Variants in SMAD1 observed in about 807,000 individuals in gnomAD.
SMAD1 encodes the protein MAD, mothers against decapentaplegic homolog 1.
SMAD1 carries 6 observed loss-of-function variants against 41.6 expected under a neutral mutation model. The observed-to-expected ratio is 0.14, with a 90% confidence interval of 0.08 to 0.28. The LOEUF (loss-of-function observed/expected upper bound fraction) is 0.28, where lower values mean the gene tolerates loss of function less well. Among genes scored for constraint, SMAD1 ranks in the 10% least tolerant of loss-of-function variants. The pLI, the probability that SMAD1 is intolerant of heterozygous loss-of-function variation, is 1.00. For synonymous variants in SMAD1, 206 were observed against 203.2 expected, an observed-to-expected ratio of 1.01 and a Z score of -0.12; for missense variants, 379 against 582.6, an observed-to-expected ratio of 0.65 and a Z score of 3.60.
chr4:145,485,742 G>A (rs1285207575), intron 1 of SMAD1, among the ~76,000 whole-genome samples: 1 of 152,208 alleles, frequency 6.6e-6, no homozygotes, highest in Non-Finnish European at 1.5e-5. Flanking sequence ...TAGTGTCATC[G>A]ATTCTAATTT....
chr4:145,484,087 G>A (rs1427343623), intron 1 of SMAD1, among the ~76,000 whole-genome samples: 1 of 152,106 alleles, frequency 6.6e-6, no homozygotes, highest in Non-Finnish European at 1.5e-5. Flanking sequence ...TTGTAATTTT[G>A]ATTTCTAGCA....
chr4:145,554,912 T>C (rs1279956636), intron 6 of SMAD1, among the ~76,000 whole-genome samples: 1 of 152,154 alleles, frequency 6.6e-6, no homozygotes, highest in Non-Finnish European at 1.5e-5. Context: ...TCACCAAACT[T>C]GTTGTTAAAC....
At chr4:145,542,158 A>C (rs1265836540) in intron 3 of SMAD1, among the ~76,000 whole-genome samples, 7 of 152,250 alleles carry the variant, frequency 4.6e-5, no homozygotes, top group Admixed American at 6.5e-5. Flanking sequence ...CATAGATTTA[A>C]TGCAAAAGAC....
intron 2 of SMAD1, among the ~76,000 whole-genome samples, chr4:145,517,501 T>C (rs1441909502): frequency 1.3e-5 from 2 of 152,104 alleles, no homozygotes; most frequent in African/African-American, 4.8e-5. Flanking sequence ...CTTATAATGA[T>C]TGTTCTGTTG....
chr4:145,508,108 T>G (rs1469998135), intron 1 of SMAD1, among the ~76,000 whole-genome samples: 2 of 151,282 alleles, frequency 1.3e-5, no homozygotes, highest in Admixed American at 6.6e-5. Flanking sequence ...GCTCCCAGTA[T>G]GAAGAAATCT....
At chr4:145,540,701 T>G (rs999065966) in intron 3 of SMAD1, among the ~76,000 whole-genome samples, 2 of 151,648 alleles carry the variant, frequency 1.3e-5, no homozygotes, top group Non-Finnish European at 2.9e-5. Flanking sequence ...ACATTATATA[T>G]TTTTAAGTTA....
intron 1 of SMAD1, among the ~76,000 whole-genome samples, chr4:145,501,319 C>T (rs1729424852): frequency 6.6e-6 from 1 of 152,198 alleles, no homozygotes. Context: ...CCATGCTCTT[C>T]CCAGAGGAGG....
At chr4:145,516,962 GAC>G (rs1730438524) in intron 2 of SMAD1, 1 of 152,118 alleles carries the variant, frequency 6.6e-6, no homozygotes, top group African/African-American at 2.4e-5. Context: ...CTATTTAAAA[GAC>G]ACTATGAATA....
At chr4:145,515,400 G>C (rs895073179) in intron 2 of SMAD1, among the ~76,000 whole-genome samples, 2 of 152,088 alleles carry the variant, frequency 1.3e-5, no homozygotes, top group African/African-American at 4.8e-5. Context: ...TGTATTCTAA[G>C]GGAAGAAAAT....
intron 2 of SMAD1, among the ~76,000 whole-genome samples, chr4:145,533,303 G>A (rs890140151): frequency 6.6e-6 from 1 of 152,214 alleles, no homozygotes; most frequent in Non-Finnish European, 1.5e-5. Flanking sequence ...GCTTGAAATT[G>A]ACAAGAGTCA....
At chr4:145,496,295 A>G (rs1729070394) in intron 1 of SMAD1, among the ~76,000 whole-genome samples, 1 of 152,204 alleles carries the variant, frequency 6.6e-6, no homozygotes, top group Non-Finnish European at 1.5e-5. Flanking sequence ...ACTGTGGAGA[A>G]GCAGTAGAGA....
chr4:145,515,074 A>C, intron 2 of SMAD1, 61 bp downstream of exon 2: 1 of 1,472,714 alleles, frequency 6.8e-7, no homozygotes, highest in Middle Eastern at 1.8e-4. Context: ...TGTGTTGTTT[A>C]GAACATGAAA....
intron 4 of SMAD1, among the ~76,000 whole-genome samples, chr4:145,542,932 A>G (rs556012469): frequency 7.9e-5 from 12 of 152,282 alleles, no homozygotes; most frequent in African/African-American, 2.9e-4. Flanking sequence ...TTATCTGTTT[A>G]GATCTTTAAT....
At chr4:145,511,690 G>A (rs1279159313) in intron 1 of SMAD1, among the ~76,000 whole-genome samples, 1 of 151,936 alleles carries the variant, frequency 6.6e-6, no homozygotes, top group African/African-American at 2.4e-5. Context: ...CTTTACCATG[G>A]CCTGGATAAC....
chr4:145,527,879 G>C (rs1346572918), intron 2 of SMAD1, among the ~76,000 whole-genome samples: 2 of 143,890 alleles, frequency 1.4e-5, no homozygotes, highest in African/African-American at 2.6e-5. Flanking sequence ...TTTTTTTTTC[G>C]AGACAGAATC....
chr4:145,550,067 A>T (rs1298249969), intron 5 of SMAD1, among the ~76,000 whole-genome samples: 1 of 152,156 alleles, frequency 6.6e-6, no homozygotes. Context: ...GAATGCTGTT[A>T]TTTAAAATTG....
rs369484983 is a variant in SMAD1 at position 145,494,290 on chromosome 4, G to A, written c.-177+12252G>A. On this transcript the variant is annotated intron_variant, in intron 1 of 6. Coordinates refer to ENST00000302085, the MANE Select transcript of SMAD1 (RefSeq NM_005900.3). ...TCATTCTTTCAGCAAGGTTTTGAGT[G>A]TCTGTATTTCTATTTATGCTTATGT... Among the ~76,000 whole-genome samples the A allele has an allele frequency of 4.3e-4, 65 of 152,266 alleles. 1 individual carries two copies. The South Asian group carries it at 0.012, about 28-fold the overall frequency.
chr4:145,520,116 A>G (rs1730662755), intron 2 of SMAD1, among the ~76,000 whole-genome samples: 1 of 152,210 alleles, frequency 6.6e-6, no homozygotes, highest in East Asian at 1.9e-4. Context: ...GTTGGCAAGG[A>G]TGTAGAGATA....
chr4:145,508,223 C>G (rs1560734685), intron 1 of SMAD1, among the ~76,000 whole-genome samples: 1 of 151,874 alleles, frequency 6.6e-6, no homozygotes, highest in Non-Finnish European at 1.5e-5. Context: ...TAAGATTCTT[C>G]AGTCTTGCCC....
Sources: gnomAD v4.1 joint callset for allele counts (sites outside exome capture counted in the v4.1 genomes callset) on GRCh38, gnomAD v4.1.1 for gene constraint, MANE v1.5 for transcripts, NCBI Gene and HGNC (gene_info 2026-07-23, HGNC 2026-07-21) for gene names.